Variants in MAP3K7CL observed in about 807,000 individuals in gnomAD.
MAP3K7CL encodes the protein MAP3K7 C-terminal-like protein.
MAP3K7CL carries 16 observed loss-of-function variants against 18.6 expected under a neutral mutation model. The ratio of observed to expected loss-of-function variants is 0.86; its 90% CI spans 0.58 to 1.31. MAP3K7CL has a LOEUF of 1.31. MAP3K7CL is among the 50% of genes most tolerant of loss of function. MAP3K7CL has a pLI of 0.00. For synonymous variants in MAP3K7CL, 65 were observed against 66.8 expected, an observed-to-expected ratio of 0.97 and a Z score of 0.13; for missense variants, 163 against 174.4, an observed-to-expected ratio of 0.93 and a Z score of 0.37.
chr21:29,087,020 T>A (rs1308407267), intron 1 of MAP3K7CL, among the ~76,000 whole-genome samples: 1 of 152,196 alleles, frequency 6.6e-6, no homozygotes, highest in Admixed American at 6.5e-5. Flanking sequence ...ATGATCTAGC[T>A]CCTGCCTACT....
intron 1 of MAP3K7CL, among the ~76,000 whole-genome samples, chr21:29,132,761 C>T (rs1394634433): frequency 6.6e-6 from 1 of 152,104 alleles, no homozygotes. Context: ...CTGCCTGCCT[C>T]GGCCTCCCAA....
chr21:29,149,189 A>T lies in MAP3K7CL; in HGVS notation c.71A>T (p.Asp24Val), dbSNP rs751315194. Residue 24 changes from aspartate (D) to valine (V), a missense_variant and splice_region_variant, in exon 3 of 5, where the codon GAT (aspartate) becomes GTT (valine). Coordinates refer to ENST00000399928, the MANE Select transcript of MAP3K7CL (RefSeq NM_001286620.2). ...GAATCATTTTATTTCCTTGTTTTAG[A>T]TGATACACCCCCTGAAGACTCCATT... ...RIAFSLNDAS[D>V]DTPPEDSIPL... The T allele has an allele frequency of 1.2e-6, 2 of 1,613,590 alleles. No individual in the cohort carries two copies. Among genetic ancestry groups the T allele is most frequent in the African/African-American group, 1.3e-5 (1 of 74,904 alleles).
At position 29,143,650 on chromosome 21, in the gene MAP3K7CL, C is replaced by T. The variant is rs187351162; in HGVS notation, c.71-5539C>T. On this transcript the variant is annotated intron_variant, in intron 2 of 4. Coordinates refer to ENST00000399928, the MANE Select transcript of MAP3K7CL (RefSeq NM_001286620.2). ...ATTGGTCAGTCTGGTCTCGAACTCC[C>T]GACCTCAGGTGATCCGCCCACCTCG... Among the ~76,000 whole-genome samples the T allele has an allele frequency of 1.7e-3, 260 of 151,956 alleles. 1 individual carries two copies. Among genetic ancestry groups the T allele is most frequent in the Non-Finnish European group, 2.6e-3 (174 of 67,940 alleles).
At chr21:29,078,622 C>T (rs921050733) in intron 1 of MAP3K7CL, among the ~76,000 whole-genome samples, 2 of 152,238 alleles carry the variant, frequency 1.3e-5, no homozygotes, top group East Asian at 3.8e-4. Context: ...AGTGAGGTAA[C>T]TTCCAATGTG....
At chr21:29,136,323 G>A (rs1464951923) in intron 2 of MAP3K7CL, among the ~76,000 whole-genome samples, 1 of 152,114 alleles carries the variant, frequency 6.6e-6, no homozygotes, top group Non-Finnish European at 1.5e-5. Flanking sequence ...GAATTCCAGT[G>A]CATGTGGCCT....
chr21:29,081,681 A>G (rs747885841), upstream of MAP3K7CL, among the ~76,000 whole-genome samples: 2 of 152,182 alleles, frequency 1.3e-5, no homozygotes, highest in African/African-American at 2.4e-5. Context: ...TTCTTTTATT[A>G]TGAATTCATC....
intron 4 of MAP3K7CL, among the ~76,000 whole-genome samples, chr21:29,101,598 C>T (rs988825891): frequency 6.6e-6 from 1 of 152,022 alleles, no homozygotes; most frequent in Non-Finnish European, 1.5e-5. Flanking sequence ...TTAGTAGAGA[C>T]GTGGTTTCAC....
At chr21:29,160,181 C>T in intron 4 of MAP3K7CL, 125 bp downstream of exon 4, 1 of 632,132 alleles carries the variant, frequency 1.6e-6, no homozygotes, top group Non-Finnish European at 2.7e-6. Flanking sequence ...AGCAATGATT[C>T]AAGTGGTGCT....
intron 4 of MAP3K7CL, among the ~76,000 whole-genome samples, chr21:29,166,204 T>C (rs1167492398): frequency 6.6e-6 from 1 of 152,154 alleles, no homozygotes. Context: ...TTCTACTCTC[T>C]ACATCAATGA....
chr21:29,173,774 T>C (rs189936767), intron 4 of MAP3K7CL, among the ~76,000 whole-genome samples: 1 of 152,282 alleles, frequency 6.6e-6, no homozygotes, highest in Admixed American at 6.5e-5. Context: ...CAATCATAGC[T>C]CACTGCAGCC....
At chr21:29,121,942 G>A (rs2086601041) in intron 4 of MAP3K7CL, 1 of 152,012 alleles carries the variant, frequency 6.6e-6, no homozygotes, top group South Asian at 2.1e-4. Flanking sequence ...TCAAATTTGA[G>A]TTGCAAAGCA....
chr21:29,095,484 G>T (rs944283593), intron 4 of MAP3K7CL, among the ~76,000 whole-genome samples: 3 of 152,140 alleles, frequency 2.0e-5, no homozygotes, highest in Non-Finnish European at 4.4e-5. Context: ...CCTCTTGCCC[G>T]CACTGTTGTA....
In MAP3K7CL at chr21:29,100,116, T is replaced by G. The variant is rs750866250; in HGVS notation, c.370+7535T>G. ...AAAAAAAAAAAAAAGGAAATGGATC[T>G]CCTCCTCCCACCTTTGTCCTCTGAG... On this transcript the variant is annotated intron_variant, in intron 4 of 6. Transcript: ENST00000286791. Among the ~76,000 whole-genome samples the G allele has an allele frequency of 7.8e-3, 1,140 of 146,718 alleles. 12 individuals carry two copies. Among genetic ancestry groups the G allele is most frequent in the Non-Finnish European group, 0.012 (793 of 66,726 alleles).
At chr21:29,166,065 A>G (rs2087679280) in intron 4 of MAP3K7CL, among the ~76,000 whole-genome samples, 1 of 152,200 alleles carries the variant, frequency 6.6e-6, no homozygotes, top group South Asian at 2.1e-4. Context: ...ATTGTTAACT[A>G]CAGTCACCCT....
intron 4 of MAP3K7CL, among the ~76,000 whole-genome samples, chr21:29,092,846 T>C (rs922369370): frequency 1.5e-4 from 23 of 152,218 alleles, no homozygotes; most frequent in African/African-American, 5.3e-4. Context: ...GCTGTTTTTT[T>C]ACTCCTCTTA....
chr21:29,096,752 G>T (rs1185486758), intron 4 of MAP3K7CL, among the ~76,000 whole-genome samples: 1 of 152,198 alleles, frequency 6.6e-6, no homozygotes, highest in Non-Finnish European at 1.5e-5. Flanking sequence ...TGGGAAGTCC[G>T]TTGGGTAGAG....
intron 4 of MAP3K7CL, among the ~76,000 whole-genome samples, chr21:29,120,714 CTTCT>C (rs2086578775): frequency 1.4e-5 from 2 of 146,154 alleles, no homozygotes; most frequent in Admixed American, 6.9e-5. Flanking sequence ...CCTTTCTCTC[CTTCT>C]CTCTTTCTTT....
upstream of MAP3K7CL, among the ~76,000 whole-genome samples, chr21:29,081,854 T>C (rs551107999): frequency 6.6e-6 from 1 of 152,352 alleles, no homozygotes; most frequent in African/African-American, 2.4e-5. Context: ...AATCTTTCAA[T>C]AACAAGATAA....
At chr21:29,100,221 A>G (rs946964866) in intron 4 of MAP3K7CL, among the ~76,000 whole-genome samples, 9 of 152,156 alleles carry the variant, frequency 5.9e-5, no homozygotes, top group Non-Finnish European at 4.4e-5. Context: ...GGTTTTCGGC[A>G]TGGCTGCCTT....
Sources: gnomAD v4.1 joint callset for allele counts (sites outside exome capture counted in the v4.1 genomes callset) on GRCh38, gnomAD v4.1.1 for gene constraint, MANE v1.5 for transcripts, NCBI Gene and HGNC (gene_info 2026-07-23, HGNC 2026-07-21) for gene names.